Variants in SORCS2 observed in about 807,000 individuals in gnomAD.
SORCS2 encodes VPS10 domain-containing receptor SorCS2.
A neutral mutation model predicts 141.6 loss-of-function variants in SORCS2; 100 were observed. The ratio of observed to expected loss-of-function variants is 0.71; its 90% confidence interval spans 0.60 to 0.83. The LOEUF is 0.83. Among genes scored for constraint, SORCS2 ranks in the 40% least tolerant of loss-of-function variants. The pLI is 0.00. For missense variants in SORCS2, 1,646 were observed against 1,560.2 expected (o/e 1.05, Z -0.93); for synonymous variants, 789 against 676.9 (o/e 1.17, Z -2.57).
chr4:7,230,618 G>C (rs1019397452), intron 1 of SORCS2, among the ~76,000 whole-genome samples: 1 of 149,970 alleles, frequency 6.7e-6, no homozygotes, highest in African/African-American at 2.5e-5. Flanking sequence ...GGCCGGAGCA[G>C]TGTCTGGAGC....
At chr4:7,203,282 G>A (rs1727569079) in intron 1 of SORCS2, among the ~76,000 whole-genome samples, 1 of 152,200 alleles carries the variant, frequency 6.6e-6, no homozygotes, top group Non-Finnish European at 1.5e-5. Flanking sequence ...AAATTAGCCG[G>A]GCGTGATGGC....
chr4:7,411,269 G>T (rs1160531700), intron 2 of SORCS2, among the ~76,000 whole-genome samples: 2 of 151,940 alleles, frequency 1.3e-5, no homozygotes, highest in Non-Finnish European at 2.9e-5. Context: ...TCTCCATCTT[G>T]ACTTTAATAC....
At position 7,663,783 on chromosome 4, in the gene SORCS2, C is replaced by T. The variant is rs1315217040; in HGVS notation, c.953-570C>T. On this transcript the variant is annotated intron_variant, in intron 6 of 26. Coordinates refer to ENST00000507866, the MANE Select transcript of SORCS2 (RefSeq NM_020777.3). The surrounding 1 kb of genome is among the most constrained non-coding windows in gnomAD (Gnocchi z 4.8). ...CTTCCCTTGGTCCCCTTGGATAAATCTTCCTCCTGGCTCACAAGCTGGAAC... is the reference window on the plus strand; with the variant it reads ...CTTCCCTTGGTCCCCTTGGATAAATTTTCCTCCTGGCTCACAAGCTGGAAC... Among the ~76,000 whole-genome samples the T allele has an allele frequency of 6.6e-6, 1 of 152,202 alleles. No individual in the cohort carries two copies. The highest frequency in any genetic ancestry group is 2.4e-5 in the African/African-American group (1 of 41,450).
intron 1 of SORCS2, among the ~76,000 whole-genome samples, chr4:7,306,376 A>G (rs1717835255): frequency 6.6e-6 from 1 of 152,110 alleles, no homozygotes; most frequent in Non-Finnish European, 1.5e-5. Flanking sequence ...GTGGGTGTGT[A>G]GCAGGATCAG....
At chr4:7,376,822 T>G (rs1722686618) in intron 1 of SORCS2, among the ~76,000 whole-genome samples, 1 of 152,168 alleles carries the variant, frequency 6.6e-6, no homozygotes, top group Non-Finnish European at 1.5e-5. Flanking sequence ...GTCTAGAATT[T>G]CCCAAAACAG....
intron 10 of SORCS2, among the ~76,000 whole-genome samples, chr4:7,686,719 C>T (rs1448133428): frequency 1.3e-5 from 2 of 152,262 alleles, no homozygotes; most frequent in African/African-American, 4.8e-5. Context: ...GCAGGCACCT[C>T]CAAGCCTGCC....
At chr4:7,205,090 A>T (rs1385010144) in intron 1 of SORCS2, among the ~76,000 whole-genome samples, 2 of 152,212 alleles carry the variant, frequency 1.3e-5, no homozygotes, top group Admixed American at 6.5e-5. Context: ...ACTTAACCCC[A>T]GCCAAGTTTA....
chr4:7,357,531 C>T lies in SORCS2; in HGVS notation c.481-38757C>T, dbSNP rs564551668. On this transcript the variant is annotated intron_variant, in intron 1 of 26. Transcript: ENST00000507866. ...CCGGAGGCGTTGATTACGCACTTCA[C>T]GCGGAAATAATTGCTAATCTTCAAC... is the stretch of plus-strand genomic sequence containing the variant. 6.6e-5 allele frequency among the ~76,000 whole-genome samples: 10 copies of T among 152,162 alleles called. No individual in the cohort carries two copies. The South Asian group carries it at 1.0e-3, about 16-fold the overall frequency.
chr4:7,221,354 G>A (rs1243363294), intron 1 of SORCS2, among the ~76,000 whole-genome samples: 1 of 152,220 alleles, frequency 6.6e-6, no homozygotes, highest in Non-Finnish European at 1.5e-5. Context: ...TCTGTAGTTT[G>A]AATGAGCTCT....
At position 7,196,154 on chromosome 4, in the gene SORCS2, G is replaced by A. The variant is rs528324392; in HGVS notation, c.480+3028G>A. Among the ~76,000 whole-genome samples, 6 of 152,288 alleles carry A rather than the reference G, an allele frequency of 3.9e-5. 1 individual carries two copies. Among genetic ancestry groups the A allele is most frequent in the East Asian group, 1.9e-4 (1 of 5,190 alleles). On this transcript the variant is annotated intron_variant, in intron 1 of 26. Coordinates refer to ENST00000507866, the MANE Select transcript of SORCS2 (RefSeq NM_020777.3). ...GGACTTGCTTGGAAGTTCAAACACC[G>A]CCTCCCTGTCTGACGTTTAGCTGTA...
chr4:7,360,233 A>G (rs915820544), intron 1 of SORCS2, among the ~76,000 whole-genome samples: 2 of 152,130 alleles, frequency 1.3e-5, no homozygotes, highest in Non-Finnish European at 2.9e-5. Context: ...GAATCATATC[A>G]TGTTATTGTC....
chr4:7,620,434 G>A (rs1344307142), intron 3 of SORCS2, among the ~76,000 whole-genome samples: 1 of 152,148 alleles, frequency 6.6e-6, no homozygotes, highest in African/African-American at 2.4e-5. Context: ...ATACAGCCCT[G>A]GCCATTCACC....
intron 2 of SORCS2, among the ~76,000 whole-genome samples, chr4:7,443,295 C>T (rs1388521420): frequency 1.3e-5 from 2 of 152,174 alleles, no homozygotes; most frequent in Non-Finnish European, 2.9e-5. Flanking sequence ...CCAGCCTTGG[C>T]CCTAAGAAGT....
At chr4:7,623,279 G>T (rs1719321391) in intron 3 of SORCS2, among the ~76,000 whole-genome samples, 1 of 152,066 alleles carries the variant, frequency 6.6e-6, no homozygotes, top group African/African-American at 2.4e-5. Flanking sequence ...GATTACTGGT[G>T]CCTGGAGACA....
intron 3 of SORCS2, among the ~76,000 whole-genome samples, chr4:7,586,922 T>C (rs1716573961): frequency 1.3e-5 from 2 of 152,100 alleles, no homozygotes; most frequent in African/African-American, 4.8e-5. Flanking sequence ...TCACTGAGTC[T>C]TTGGGTTAGC....
rs1157120487 is a variant in SORCS2 at position 7,339,372 on chromosome 4, A to G, written c.481-56916A>G. On this transcript the variant is annotated intron_variant, in intron 1 of 26. Coordinates refer to ENST00000507866, the MANE Select transcript of SORCS2 (RefSeq NM_020777.3). Reference sequence around the variant, plus strand: ...CTGGTGTAGGAAAGTTGTATGAGTCAGCCACAGCTGCGTAACAAAGTACCA... The same window carrying G: ...CTGGTGTAGGAAAGTTGTATGAGTCGGCCACAGCTGCGTAACAAAGTACCA... Among the ~76,000 whole-genome samples, 4 of 152,356 alleles carry G rather than the reference A, an allele frequency of 2.6e-5. No homozygotes were observed. In the East Asian group the frequency reaches 7.7e-4, roughly 29 times the overall value.
intron 3 of SORCS2, among the ~76,000 whole-genome samples, chr4:7,536,574 T>C (rs978711880): frequency 2.6e-5 from 4 of 152,024 alleles, no homozygotes; most frequent in Non-Finnish European, 4.4e-5. Flanking sequence ...GGGGCAGAGG[T>C]CAGGCGTGAT....
chr4:7,423,712 C>T (rs1726239987), intron 2 of SORCS2, among the ~76,000 whole-genome samples: 2 of 152,136 alleles, frequency 1.3e-5, no homozygotes, highest in African/African-American at 4.8e-5. Context: ...TCAGGGAGAC[C>T]CAGGCTGCCC....
intron 2 of SORCS2, among the ~76,000 whole-genome samples, chr4:7,486,029 C>A (rs1242685961): frequency 6.6e-6 from 1 of 152,160 alleles, no homozygotes; most frequent in African/African-American, 2.4e-5. Context: ...GACATCAGGC[C>A]CTGCATACCG....
Sources: gnomAD v4.1 joint callset for allele counts (sites outside exome capture counted in the v4.1 genomes callset) on GRCh38, gnomAD v4.1.1 for gene constraint, Gnocchi (gnomAD v3.1) non-coding constraint, MANE v1.5 for transcripts, NCBI Gene and HGNC (gene_info 2026-07-23, HGNC 2026-07-21) for gene names.